FRMD6: variants seen among roughly 807,000 people sequenced by gnomAD.
FRMD6 encodes the protein FERM domain containing 6.
FRMD6 carries 37 observed loss-of-function variants against 73.2 expected under a neutral mutation model. The ratio of observed to expected loss-of-function variants is 0.51; its 90% CI spans 0.39 to 0.66. The LOEUF is 0.66. Ranked by LOEUF, FRMD6 falls within the 30% of genes least tolerant of loss-of-function variation. The pLI is 0.00. For missense variants in FRMD6, 714 were observed against 780.5 expected, an observed-to-expected ratio of 0.91 and a Z score of 1.02; for synonymous variants, 273 against 282.2, an observed-to-expected ratio of 0.97 and a Z score of 0.33.
At chr14:51,707,818 G>A (rs888554829) in intron 6 of FRMD6, among the ~76,000 whole-genome samples, 1 of 152,112 alleles carries the variant, frequency 6.6e-6, no homozygotes, top group Non-Finnish European at 1.5e-5. Context: ...TTAAAGCAAA[G>A]ATAACTTATT....
At chr14:51,463,270 G>C in the FRMD6 span, among the ~76,000 whole-genome samples, 2 of 152,170 alleles carry the variant, frequency 1.3e-5, no homozygotes, top group African/African-American at 4.8e-5. Flanking sequence ...TTCAAATCAA[G>C]AATTGGTCAA....
At chr14:51,521,089 C>T (rs1412430956) in intron 1 of FRMD6, among the ~76,000 whole-genome samples, 1 of 152,092 alleles carries the variant, frequency 6.6e-6, no homozygotes, top group African/African-American at 2.4e-5. Context: ...CACTGATTAT[C>T]TGGGGCTGGG....
intron 1 of FRMD6, among the ~76,000 whole-genome samples, chr14:51,660,427 C>T (rs1893136302): frequency 6.6e-6 from 1 of 151,968 alleles, no homozygotes; most frequent in Admixed American, 6.6e-5. Flanking sequence ...ATCCTTCAAG[C>T]CCATAGAAAA....
chr14:51,633,716 CA>C (rs1891431732), intron 2 of FRMD6, among the ~76,000 whole-genome samples: 1 of 145,632 alleles, frequency 6.9e-6, no homozygotes, highest in East Asian at 2.0e-4. Context: ...GAAAAGAATA[CA>C]AATAATAACT....
chr14:51,581,493 T>C (rs577249622), intron 2 of FRMD6, among the ~76,000 whole-genome samples: 1 of 152,344 alleles, frequency 6.6e-6, no homozygotes, highest in Non-Finnish European at 1.5e-5. Context: ...AATTCTTATC[T>C]TTTGGAGGCA....
At chr14:51,704,451 C>T (rs1277140920) in intron 5 of FRMD6, among the ~76,000 whole-genome samples, 1 of 152,008 alleles carries the variant, frequency 6.6e-6, no homozygotes, top group African/African-American at 2.4e-5. Context: ...AAATATTTAC[C>T]ATTTTAGAGT....
intron 1 of FRMD6, among the ~76,000 whole-genome samples, chr14:51,542,031 C>T (rs1302831216): frequency 1.3e-5 from 2 of 151,994 alleles, no homozygotes; most frequent in African/African-American, 2.4e-5. Flanking sequence ...ACCTGCATCA[C>T]GTTACTGTGG....
chr14:51,720,389 T>C lies in FRMD6; in HGVS notation c.1359T>C (p.Asp453=). 5 of 1,613,156 alleles carry C rather than the reference T, an allele frequency of 3.1e-6. No individual in the cohort carries two copies. The highest frequency in any genetic ancestry group is 4.2e-6 in the Non-Finnish European group (5 of 1,179,904). ...GGCTGGAAGAGGACTTACAGGACGA[T>C]GGTAACAGTACTGTCCCCTCACTGG... ...KDRLEEDLQD[D]EIEMLVDDPR... Residue 453 remains aspartate (D), a splice_region_variant and synonymous_variant, in exon 11 of 14, where the codon GAT becomes GAC. Transcript: ENST00000344768.
At chr14:51,471,113 A>G in the FRMD6 span, among the ~76,000 whole-genome samples, 4 of 152,212 alleles carry the variant, frequency 2.6e-5, no homozygotes, top group African/African-American at 4.8e-5. Flanking sequence ...TAATTGTGGA[A>G]TCTATCTGTC....
chr14:51,610,199 G>A (rs1029990905), intron 2 of FRMD6, among the ~76,000 whole-genome samples: 2 of 152,024 alleles, frequency 1.3e-5, no homozygotes, highest in African/African-American at 4.8e-5. Flanking sequence ...ACCCGGGGGT[G>A]GGGGAGTCAG....
At chr14:51,709,097 C>T (rs1896798269) in intron 7 of FRMD6, among the ~76,000 whole-genome samples, 1 of 152,160 alleles carries the variant, frequency 6.6e-6, no homozygotes. Context: ...ACTTTGTTGG[C>T]AAGAACTCCT....
chr14:51,660,158 A>C (rs1893113829), intron 1 of FRMD6, among the ~76,000 whole-genome samples: 1 of 152,254 alleles, frequency 6.6e-6, no homozygotes, highest in Admixed American at 6.5e-5. Flanking sequence ...CACTAAGTCC[A>C]TCAAAAGCCA....
At chr14:51,631,816 G>A (rs1891347594) in intron 2 of FRMD6, among the ~76,000 whole-genome samples, 1 of 152,158 alleles carries the variant, frequency 6.6e-6, no homozygotes, top group Admixed American at 6.5e-5. Context: ...ACACCACAGG[G>A]TCTAAGAGTG....
chr14:51,721,986 G>A lies in FRMD6; in HGVS notation c.1398G>A (p.Glu466=), dbSNP rs1156552437. 1 of 1,614,140 alleles carries A rather than the reference G, an allele frequency of 6.2e-7. No individual in the cohort carries two copies. Among genetic ancestry groups the A allele is most frequent in the Admixed American group, 1.7e-5 (1 of 60,028 alleles). The change falls in exon 12 of 14, where the codon GAG becomes GAA. Residue 466 remains glutamate (E), a synonymous_variant. Coordinates refer to ENST00000344768, the MANE Select transcript of FRMD6 (RefSeq NM_001267046.2). ...EMLVDDPRDL[E]QMNEESLEVS... ...TGGTTGATGACCCCCGGGATCTGGA[G>A]CAGATGAATGAAGAGTCTCTGGAAG...
intron 2 of FRMD6, among the ~76,000 whole-genome samples, chr14:51,619,261 A>C (rs1303292641): frequency 6.6e-6 from 1 of 152,188 alleles, no homozygotes; most frequent in Admixed American, 6.5e-5. Flanking sequence ...ACAGGAGGCC[A>C]GAGTTCAACA....
the FRMD6 span, among the ~76,000 whole-genome samples, chr14:51,452,168 AG>A: frequency 1.6e-4 from 25 of 152,034 alleles, no homozygotes; most frequent in African/African-American, 6.1e-4. Flanking sequence ...AGCATGAGCG[AG>A]GGTTGGAAAG....
the FRMD6 span, among the ~76,000 whole-genome samples, chr14:51,442,598 C>T: frequency 6.6e-6 from 1 of 152,136 alleles, no homozygotes; most frequent in African/African-American, 2.4e-5. Flanking sequence ...AAGTATTTAT[C>T]TCTTACCCTG....
intron 1 of FRMD6, among the ~76,000 whole-genome samples, chr14:51,511,000 G>A (rs1472217072): frequency 6.6e-6 from 1 of 151,754 alleles, no homozygotes; most frequent in African/African-American, 2.4e-5. Flanking sequence ...CCCGCCAAGA[G>A]GCCTATAACC....
intron 9 of FRMD6, among the ~76,000 whole-genome samples, chr14:51,713,324 G>A (rs1430412546): frequency 1.3e-5 from 2 of 151,994 alleles, no homozygotes; most frequent in East Asian, 3.9e-4. Flanking sequence ...TGGGCATAGT[G>A]GTGGGCACCT....
Sources: allele counts gnomAD v4.1 joint callset (sites outside exome capture counted in the v4.1 genomes callset), GRCh38; gene constraint gnomAD v4.1.1; transcripts MANE v1.5; gene names NCBI Gene and HGNC (gene_info 2026-07-23, HGNC 2026-07-21).